Variants in PRDM16 observed in about 807,000 individuals in gnomAD.
The protein encoded by PRDM16 is PR/SET domain 16.
PRDM16 carries 23 observed loss-of-function variants against 110.6 expected under a neutral mutation model. That is an observed-to-expected ratio of 0.21 (90% confidence interval 0.15 to 0.29). The LOEUF is 0.29. Among genes scored for constraint, PRDM16 ranks in the 10% least tolerant of loss-of-function variants. PRDM16 has a pLI of 1.00. For synonymous variants in PRDM16, 799 were observed against 781.8 expected (o/e 1.02, Z -0.37); for missense variants, 1,615 against 1,794.3 (o/e 0.90, Z 1.81).
At chr1:3,410,807 G>T (rs1643671918) in intron 8 of PRDM16, among the ~76,000 whole-genome samples, 1 of 152,200 alleles carries the variant, frequency 6.6e-6, no homozygotes, top group South Asian at 2.1e-4. Flanking sequence ...CACTGATGGA[G>T]TGGCAGACAC....
At chr1:3,110,070 C>T (rs910518885) in intron 1 of PRDM16, among the ~76,000 whole-genome samples, 3 of 150,540 alleles carry the variant, frequency 2.0e-5, no homozygotes. Context: ...GGGGGCTCCC[C>T]TCTGTCCTGG....
At chr1:3,393,966 G>A (rs531408189) in intron 4 of PRDM16, among the ~76,000 whole-genome samples, 2 of 152,148 alleles carry the variant, frequency 1.3e-5, no homozygotes, top group African/African-American at 2.4e-5. Flanking sequence ...GGGCCAGGGA[G>A]GGGGAGCCCG....
At chr1:3,403,652 G>A (rs573613502) in intron 6 of PRDM16, among the ~76,000 whole-genome samples, 1 of 152,220 alleles carries the variant, frequency 6.6e-6, no homozygotes, top group Non-Finnish European at 1.5e-5. Flanking sequence ...GGGCCTGGGC[G>A]GCCTTGGGGA....
rs564938687 is a variant in PRDM16, at chr1:3,208,302, G to A, written c.387+21828G>A. 3.7e-4 allele frequency: 56 copies of A among 152,308 alleles called. No individual in the cohort carries two copies. Among genetic ancestry groups the A allele is most frequent in the African/African-American group, 1.3e-3 (56 of 41,546 alleles). 9.4% of individuals were successfully genotyped at this position (152,308 alleles called of 1,614,324 possible). ...CACTGGCTCGGTTCACGTGCGGGCA[G>A]CGATTCTCTGGCCCTGCACTGTAGG... On this transcript the variant is annotated intron_variant, in intron 2 of 16. Transcript: ENST00000270722. The surrounding 1 kb of genome is among the most constrained non-coding windows in gnomAD (Gnocchi z 6.1).
At chr1:3,099,053 C>A (rs999674051) in intron 1 of PRDM16, among the ~76,000 whole-genome samples, 5 of 152,334 alleles carry the variant, frequency 3.3e-5, no homozygotes, top group Admixed American at 6.5e-5. Context: ...TCGAGGGGAC[C>A]CAGAGCGGTG....
chr1:3,262,982 A>G (rs1277060360), intron 3 of PRDM16, among the ~76,000 whole-genome samples: 1 of 152,180 alleles, frequency 6.6e-6, no homozygotes, highest in East Asian at 1.9e-4. Context: ...CGGCAGGGCC[A>G]TAGAGAGGGT....
At chr1:3,278,720 C>G (rs1380481668) in intron 3 of PRDM16, among the ~76,000 whole-genome samples, 1 of 152,230 alleles carries the variant, frequency 6.6e-6, no homozygotes, top group Non-Finnish European at 1.5e-5. Context: ...CCTTAGAAAA[C>G]TGGCCACCCG....
intron 3 of PRDM16, among the ~76,000 whole-genome samples, chr1:3,363,807 G>A (rs1274254803): frequency 6.6e-6 from 1 of 152,144 alleles, no homozygotes; most frequent in Non-Finnish European, 1.5e-5. Flanking sequence ...GAAGGAGAAG[G>A]AGGAGGAAGG....
At chr1:3,396,263 C>T in intron 4 of PRDM16, 3 of 594,758 alleles carry the variant, frequency 5.0e-6, no homozygotes, top group Non-Finnish European at 9.5e-6. Flanking sequence ...TAGTCGGCCA[C>T]CCCCTTTATG....
chr1:3,183,399 G>A (rs982309468), intron 1 of PRDM16, among the ~76,000 whole-genome samples: 3 of 152,180 alleles, frequency 2.0e-5, no homozygotes, highest in Non-Finnish European at 2.9e-5. Flanking sequence ...CAGGCTTCCC[G>A]CTTTCTCCGG....
rs539004608 is a variant in PRDM16, at chr1:3,323,913, A to G, written c.439-61239A>G. Among the ~76,000 whole-genome samples the G allele has an allele frequency of 6.2e-4, 95 of 152,214 alleles. 2 individuals carry two copies. The South Asian group carries it at 0.016, about 26-fold the overall frequency. On this transcript the variant is annotated intron_variant, in intron 3 of 16. Coordinates refer to ENST00000270722, the MANE Select transcript of PRDM16 (RefSeq NM_022114.4). ...TGCACGGGCCTCATCTCCTTACTCC[A>G]CCAACATTGCGGGCAGCGGACGGGG...
In PRDM16 at chr1:3,209,365, C is replaced by T. The variant is rs1232128245; in HGVS notation, c.387+22891C>T. On this transcript the variant is annotated intron_variant, in intron 2 of 16. Coordinates refer to ENST00000270722, the MANE Select transcript of PRDM16 (RefSeq NM_022114.4). The surrounding 1 kb of genome is among the most constrained non-coding windows in gnomAD (Gnocchi z 4.6). ...CACGCAGCTCCGACGTGGCCGGTCC[C>T]GACTGGCACACCTGCCCCGAGTCAC... Among the ~76,000 whole-genome samples the T allele has an allele frequency of 1.3e-5, 2 of 152,294 alleles. No homozygotes were observed. The highest frequency in any genetic ancestry group is 4.8e-5 in the African/African-American group (2 of 41,578).
chr1:3,187,645 G>A (rs1327097612), intron 2 of PRDM16, among the ~76,000 whole-genome samples: 1 of 152,168 alleles, frequency 6.6e-6, no homozygotes, highest in East Asian at 1.9e-4. Context: ...GGGGACCAGA[G>A]GCTGCCCCGC....
chr1:3,289,733 A>G (rs1475185410), intron 3 of PRDM16, among the ~76,000 whole-genome samples: 1 of 152,166 alleles, frequency 6.6e-6, no homozygotes, highest in Admixed American at 6.5e-5. Flanking sequence ...GGATGTGTCC[A>G]TGGAACATGG....
chr1:3,271,695 G>A (rs979505654), intron 3 of PRDM16, among the ~76,000 whole-genome samples: 2 of 152,188 alleles, frequency 1.3e-5, no homozygotes, highest in African/African-American at 2.4e-5. Flanking sequence ...GCCTGGTGAT[G>A]TCAGCTGGAG....
chr1:3,428,519 G>A (rs571678091), intron 14 of PRDM16, among the ~76,000 whole-genome samples: 11 of 152,320 alleles, frequency 7.2e-5, no homozygotes, highest in Non-Finnish European at 1.2e-4. Flanking sequence ...CGGAAGACCC[G>A]TCCTGCTGAG....
At position 3,314,960 on chromosome 1, in the gene PRDM16, G is replaced by A. The variant is rs10127738; in HGVS notation, c.439-70192G>A. 9.7e-3 allele frequency among the ~76,000 whole-genome samples: 1,469 copies of A among 152,160 alleles called. 37 individuals are homozygous for A. Among genetic ancestry groups the A allele is most frequent in the African/African-American group, 0.034 (1,393 of 41,486 alleles). On this transcript the variant is annotated intron_variant, in intron 3 of 16. Transcript: ENST00000270722. ...ACATCACACAGGAAGAGAAATGTGC[G>A]GATTAGCCATATCCGGGGAAAGATG...
chr1:3,315,814 A>G (rs2483264), intron 3 of PRDM16, among the ~76,000 whole-genome samples: 76,918 of 151,866 alleles, frequency 0.51, 21,800 homozygotes, highest in African/African-American at 0.78. Context: ...GGAGACTCCC[A>G]CAGGTCACTC....
rs2100912287 is a variant in PRDM16, at chr1:3,243,478, G to GCCGA, written c.388-607_388-606insGACC. ...AGGGCGTTGGCCGACCTCTGCCCCT[G>GCCGA]CCTCTGGCCGCCCGCCGCTGTCTCC... is the stretch of plus-strand genomic sequence containing the variant. On this transcript the variant is annotated intron_variant, in intron 2 of 16. Transcript: ENST00000270722. The surrounding 1 kb of genome is among the most constrained non-coding windows in gnomAD (Gnocchi z 5.5). 1.3e-5 allele frequency among the ~76,000 whole-genome samples: 2 copies of GCCGA among 151,970 alleles called. No individual in the cohort carries two copies. The highest frequency in any genetic ancestry group is 4.8e-5 in the African/African-American group (2 of 41,434).
Sources: allele counts gnomAD v4.1 joint callset (sites outside exome capture counted in the v4.1 genomes callset), GRCh38; gene constraint gnomAD v4.1.1; non-coding constraint Gnocchi (gnomAD v3.1); transcripts MANE v1.5; gene names NCBI Gene and HGNC (gene_info 2026-07-23, HGNC 2026-07-21).